GABRA3: variants seen among roughly 807,000 people sequenced by gnomAD.
GABRA3 encodes the protein gamma-aminobutyric acid receptor subunit alpha-3.
In GABRA3, 10 loss-of-function variants were observed where a neutral mutation model predicts 30.1. The ratio of observed to expected loss-of-function variants is 0.33; its 90% CI spans 0.20 to 0.56. The LOEUF (loss-of-function observed/expected upper bound fraction) is 0.56, where lower values mean the gene tolerates loss of function less well. GABRA3 is among the 20% of genes least tolerant of loss of function. The probability of loss-of-function intolerance (pLI) is 0.89; values close to 1 mark genes in which losing one functional copy is unlikely to be tolerated. For synonymous variants in GABRA3, 151 were observed against 146.8 expected, an observed-to-expected ratio of 1.03 and a Z score of -0.21; for missense variants, 233 against 392.0, an observed-to-expected ratio of 0.59 and a Z score of 3.42.
At chrX:152,272,054 G>T (rs1346864178) in intron 4 of GABRA3, among the ~76,000 whole-genome samples, 1 of 111,922 alleles carries the variant, frequency 8.9e-6, no homozygotes, top group Non-Finnish European at 1.9e-5. Flanking sequence ...GTGTGAAAGG[G>T]GAATGATCGA....
At chrX:152,372,917 G>A (rs1928881048) in intron 1 of GABRA3, among the ~76,000 whole-genome samples, 1 of 111,589 alleles carries the variant, frequency 9.0e-6, no homozygotes, top group Non-Finnish European at 1.9e-5. Context: ...GACAAGATGA[G>A]AACTATCTCA....
chrX:152,382,476 C>T (rs1473030909), intron 1 of GABRA3, among the ~76,000 whole-genome samples: 1 of 112,073 alleles, frequency 8.9e-6, no homozygotes, highest in Non-Finnish European at 1.9e-5. Context: ...AGGGAGTTGC[C>T]TCTTTACTGT....
rs770751171 is a variant in GABRA3, at chrX:152,173,711, A to G, written c.1144-5148T>C. Among the ~76,000 whole-genome samples the G allele has an allele frequency of 9.1e-5, 10 of 109,819 alleles. No individual in the cohort carries two copies. In the East Asian group the frequency reaches 2.3e-3, roughly 25 times the overall value. ...CCTCAGGTGTTTTTTCTGAATCTGT[A>G]CTCAATTCTCAGCCTCCCAAAGTGC... On this transcript the variant is annotated intron_variant, in intron 9 of 9. Transcript: ENST00000370314.
intron 1 of GABRA3, among the ~76,000 whole-genome samples, chrX:152,409,908 C>T (rs772124363): frequency 8.9e-6 from 1 of 112,512 alleles, no homozygotes; most frequent in East Asian, 2.8e-4. Context: ...GATATCTGCA[C>T]TGTTATGTTT....
intron 1 of GABRA3, among the ~76,000 whole-genome samples, chrX:152,376,342 C>T (rs958836224): frequency 4.5e-5 from 5 of 110,596 alleles, no homozygotes; most frequent in Non-Finnish European, 3.8e-5. Context: ...TCCTAATCTC[C>T]GAGCCTGCTT....
chrX:152,378,297 T>C (rs1400800269), intron 1 of GABRA3, among the ~76,000 whole-genome samples: 3 of 111,769 alleles, frequency 2.7e-5, no homozygotes, highest in Admixed American at 9.6e-5. Flanking sequence ...ACTTCAGATA[T>C]TGAATTTATC....
chrX:152,308,312 C>T (rs974916691), intron 3 of GABRA3, among the ~76,000 whole-genome samples: 10 of 112,827 alleles, frequency 8.9e-5, no homozygotes, highest in Non-Finnish European at 1.3e-4. Flanking sequence ...ACCCAACTGA[C>T]CGGCTGCCCT....
At chrX:152,192,469 A>G (rs1050530149) in intron 8 of GABRA3, among the ~76,000 whole-genome samples, 7 of 111,487 alleles carry the variant, frequency 6.3e-5, no homozygotes, top group African/African-American at 1.6e-4. Context: ...AGCCCACTGT[A>G]CCACATTTGT....
At chrX:152,413,930 CAA>C (rs771954528) in intron 1 of GABRA3, among the ~76,000 whole-genome samples, 1 of 110,014 alleles carries the variant, frequency 9.1e-6, no homozygotes, top group Non-Finnish European at 1.9e-5. Context: ...ATGAGTTTGT[CAA>C]AGTCACAGGA....
intron 5 of GABRA3, among the ~76,000 whole-genome samples, chrX:152,246,002 T>C (rs749713821): frequency 1.8e-5 from 2 of 111,876 alleles, no homozygotes; most frequent in Non-Finnish European, 3.8e-5. Flanking sequence ...TAAATATTTC[T>C]GTGAGATAGG....
At chrX:152,372,749 T>C (rs764706441) in intron 1 of GABRA3, among the ~76,000 whole-genome samples, 21 of 112,194 alleles carry the variant, frequency 1.9e-4, no homozygotes, top group Non-Finnish European at 3.8e-4. Context: ...TCCTTCATTT[T>C]ATGGAAAACA....
intron 1 of GABRA3, among the ~76,000 whole-genome samples, chrX:152,370,146 T>C (rs1928795414): frequency 8.9e-6 from 1 of 112,382 alleles, no homozygotes; most frequent in South Asian, 3.7e-4. Context: ...ATAAGTCTTG[T>C]CCAAAGACAA....
intron 1 of GABRA3, among the ~76,000 whole-genome samples, chrX:152,397,661 A>G (rs1929693865): frequency 8.9e-6 from 1 of 111,919 alleles, no homozygotes. Flanking sequence ...CTTTGCCTCG[A>G]CCATTAACCT....
chrX:152,431,852 G>A (rs1015849444), intron 1 of GABRA3, among the ~76,000 whole-genome samples: 1 of 111,333 alleles, frequency 9.0e-6, no homozygotes, highest in Non-Finnish European at 1.9e-5. Flanking sequence ...CTAGAAGCCG[G>A]AAAAGTCAAG....
chrX:152,295,625 G>A (rs79015736), intron 3 of GABRA3, among the ~76,000 whole-genome samples: 7,372 of 112,483 alleles, frequency 0.066, 274 homozygotes, highest in African/African-American at 0.12. Flanking sequence ...GGCTTGGAAG[G>A]GGAAATCCCT....
chrX:152,396,949 A>T (rs900278682), intron 1 of GABRA3, among the ~76,000 whole-genome samples: 4 of 112,059 alleles, frequency 3.6e-5, no homozygotes, highest in Admixed American at 9.5e-5. Flanking sequence ...ATAATTCAGG[A>T]TCAGAAGGCC....
At chrX:152,362,636 G>T (rs1412560732) in intron 2 of GABRA3, among the ~76,000 whole-genome samples, 1 of 111,795 alleles carries the variant, frequency 8.9e-6, no homozygotes, top group Non-Finnish European at 1.9e-5. Context: ...GTAAGACAAG[G>T]TTTGCACAGT....
intron 3 of GABRA3, among the ~76,000 whole-genome samples, chrX:152,321,045 A>C (rs891790036): frequency 6.2e-5 from 7 of 112,457 alleles, no homozygotes; most frequent in Non-Finnish European, 1.1e-4. Context: ...TTTGATCACA[A>C]ATTGTTTTAT....
intron 9 of GABRA3, among the ~76,000 whole-genome samples, chrX:152,182,312 T>TATACAC (rs1302458573): frequency 3.4e-5 from 3 of 89,311 alleles, no homozygotes; most frequent in Admixed American, 1.3e-4. Context: ...TATATATATA[T>TATACAC]ACACACACAC....
Sources: gnomAD v4.1 joint callset for allele counts (sites outside exome capture counted in the v4.1 genomes callset) on GRCh38, gnomAD v4.1.1 for gene constraint, MANE v1.5 for transcripts, NCBI Gene and HGNC (gene_info 2026-07-23, HGNC 2026-07-21) for gene names.